Variants in APP observed in about 807,000 individuals in gnomAD.
APP encodes the protein amyloid beta precursor protein.
APP carries 31 observed loss-of-function variants against 101.4 expected under a neutral mutation model. The ratio of observed to expected loss-of-function variants is 0.31; its 90% CI spans 0.23 to 0.41. APP has a LOEUF of 0.41. Ranked by LOEUF, APP falls within the 10% of genes least tolerant of loss-of-function variation. The probability of loss-of-function intolerance (pLI) is 1.00; values close to 1 mark genes in which losing one functional copy is unlikely to be tolerated. For missense variants in APP, 839 were observed against 1,003.7 expected, an observed-to-expected ratio of 0.84 and a Z score of 2.22; for synonymous variants, 366 against 364.4, an observed-to-expected ratio of 1.00 and a Z score of -0.05.
At chr21:25,914,988 G>C (rs921773509) in intron 13 of APP, among the ~76,000 whole-genome samples, 2 of 152,166 alleles carry the variant, frequency 1.3e-5, no homozygotes, top group Non-Finnish European at 2.9e-5. Context: ...TTTTACGTTT[G>C]GTTCCTGAAA....
In APP at chr21:26,071,030, C is replaced by G. The variant is rs538442889; in HGVS notation, c.356-17682G>C. Among the ~76,000 whole-genome samples, 8 of 152,232 alleles carry G rather than the reference C, an allele frequency of 5.3e-5. No individual in the cohort carries two copies. The South Asian group carries it at 1.7e-3, about 32-fold the overall frequency. On this transcript the variant is annotated intron_variant, in intron 3 of 17. Coordinates refer to ENST00000346798, the MANE Select transcript of APP (RefSeq NM_000484.4). ...TTCCAGGCAGAGCACGAGTGTCATT[C>G]AAATTGTACACACCAGGCAAAGAGT...
chr21:26,132,355 T>C (rs962448618), intron 1 of APP, among the ~76,000 whole-genome samples: 1 of 152,234 alleles, frequency 6.6e-6, no homozygotes, highest in South Asian at 2.1e-4. Flanking sequence ...CTCAACCTTA[T>C]AATTAAATCT....
chr21:26,148,644 C>A (rs1250266776), intron 1 of APP, among the ~76,000 whole-genome samples: 2 of 152,204 alleles, frequency 1.3e-5, no homozygotes, highest in Non-Finnish European at 2.9e-5. Context: ...GGGCCTCTCC[C>A]CTGGCCCATC....
At chr21:26,021,575 T>G (rs1393898948) in intron 6 of APP, among the ~76,000 whole-genome samples, 1 of 152,070 alleles carries the variant, frequency 6.6e-6, no homozygotes, top group Non-Finnish European at 1.5e-5. Flanking sequence ...GACTACCTGG[T>G]TGGGCGGAGT....
intron 1 of APP, among the ~76,000 whole-genome samples, chr21:26,115,869 T>C (rs2062423818): frequency 6.6e-6 from 1 of 152,212 alleles, no homozygotes; most frequent in South Asian, 2.1e-4. Context: ...ATAAATACCT[T>C]AGTAGATGGG....
intron 15 of APP, among the ~76,000 whole-genome samples, chr21:25,899,656 C>G (rs1005530508): frequency 6.6e-6 from 1 of 152,208 alleles, no homozygotes; most frequent in African/African-American, 2.4e-5. Context: ...TTAGCTCAGG[C>G]AGTGTCTTAA....
chr21:25,885,232 A>G (rs2037246285), intron 17 of APP, among the ~76,000 whole-genome samples: 1 of 152,218 alleles, frequency 6.6e-6, no homozygotes, highest in African/African-American at 2.4e-5. Flanking sequence ...CTATGGATAA[A>G]GGAGGAGCAC....
Position 26,053,245 on chromosome 21 carries a change from G to A in APP, c.459C>T (p.Val153=), listed in dbSNP as rs766601977. 24 of 1,611,778 alleles carry A rather than the reference G, an allele frequency of 1.5e-5. No individual in the cohort carries two copies. Among genetic ancestry groups the A allele is most frequent in the African/African-American group, 8.0e-5 (6 of 74,828 alleles). ...VCETHLHWHT[V]AKETCSEKST... is the part of the protein sequence containing the mutation. ...ATTTATGGGCTGGTACCTCTTTGGCGACGGTGTGCCAGTGAAGATGAGTTT... is the reference window on the plus strand; with the variant it reads ...ATTTATGGGCTGGTACCTCTTTGGCAACGGTGTGCCAGTGAAGATGAGTTT... Residue 153 remains valine (V), a synonymous_variant, in exon 4 of 18, where the codon GTC becomes GTT. Coordinates refer to ENST00000346798, the MANE Select transcript of APP (RefSeq NM_000484.4).
At chr21:25,904,547 C>T (rs2038683539) in intron 15 of APP, among the ~76,000 whole-genome samples, 1 of 152,182 alleles carries the variant, frequency 6.6e-6, no homozygotes, top group Non-Finnish European at 1.5e-5. Flanking sequence ...TTCAGGAAAT[C>T]ATGTCTACTT....
chr21:25,918,408 C>A (rs989633811), intron 13 of APP, among the ~76,000 whole-genome samples: 13 of 152,282 alleles, frequency 8.5e-5, no homozygotes, highest in African/African-American at 2.6e-4. Flanking sequence ...CAGCTCCGGT[C>A]TACAGCTCCC....
chr21:26,110,852 T>C, intron 2 of APP, among the ~76,000 whole-genome samples: 1 of 152,034 alleles, frequency 6.6e-6, no homozygotes, highest in South Asian at 2.1e-4. Context: ...GTGTCGAGAA[T>C]TCTGCTTTGC....
chr21:26,137,577 T>C (rs2062948585), intron 1 of APP, among the ~76,000 whole-genome samples: 2 of 152,128 alleles, frequency 1.3e-5, no homozygotes, highest in South Asian at 4.1e-4. Context: ...AGAGAGCTCT[T>C]TCCTCACTGG....
intron 13 of APP, among the ~76,000 whole-genome samples, chr21:25,948,363 A>G (rs971451845): frequency 1.3e-5 from 2 of 152,188 alleles, no homozygotes; most frequent in Non-Finnish European, 2.9e-5. Flanking sequence ...CTTTGAAATA[A>G]CCATGCTGCA....
At position 25,982,548 on chromosome 21, in the gene APP, A is replaced by G. The variant is rs2042475445; in HGVS notation, c.1091-71T>C. 3 of 1,454,522 alleles carry G rather than the reference A, an allele frequency of 2.1e-6. No individual in the cohort carries two copies. The South Asian group carries it at 3.5e-5, about 17-fold the overall frequency. 90.1% of individuals were successfully genotyped at this position (1,454,522 alleles called of 1,614,324 possible). Reference sequence around the variant, plus strand: ...CAACAGAATAATCCACTCGTTTAATAGAAAGCCGTATTTTCAGTTATTTCT... The same window carrying G: ...CAACAGAATAATCCACTCGTTTAATGGAAAGCCGTATTTTCAGTTATTTCT... On this transcript the variant is annotated intron_variant, in intron 8 of 17. Transcript: ENST00000346798.
At chr21:25,989,423 A>T (rs1167363582) in intron 8 of APP, among the ~76,000 whole-genome samples, 1 of 152,236 alleles carries the variant, frequency 6.6e-6, no homozygotes, top group African/African-American at 2.4e-5. Context: ...TCATTTTGAT[A>T]TGCATTTGTT....
intron 13 of APP, among the ~76,000 whole-genome samples, chr21:25,944,563 CA>C (rs1569088477): frequency 6.6e-6 from 1 of 152,186 alleles, no homozygotes; most frequent in Non-Finnish European, 1.5e-5. Flanking sequence ...AACTCCGTCT[CA>C]CATGAAACAA....
intron 6 of APP, among the ~76,000 whole-genome samples, chr21:26,017,409 CAAAAAAAAAA>C (rs373376674): frequency 3.6e-5 from 4 of 111,112 alleles, no homozygotes; most frequent in Non-Finnish European, 7.2e-5. Context: ...AATCCCGTGT[CAAAAAAAAAA>C]AAAAAAAAAT....
chr21:25,918,856 G>C (rs1157004193), intron 13 of APP, among the ~76,000 whole-genome samples: 2 of 149,136 alleles, frequency 1.3e-5, no homozygotes, highest in Non-Finnish European at 3.0e-5. Flanking sequence ...CAGCCGGGAA[G>C]CTCGAACTGG....
intron 1 of APP, among the ~76,000 whole-genome samples, chr21:26,150,061 C>CAAATTTT (rs1216221481): frequency 4.6e-5 from 7 of 152,108 alleles, no homozygotes; most frequent in Non-Finnish European, 1.0e-4. Context: ...GGAAAAAACA[C>CAAATTTT]AAATTTTATT....
Sources: allele counts gnomAD v4.1 joint callset (sites outside exome capture counted in the v4.1 genomes callset), GRCh38; gene constraint gnomAD v4.1.1; transcripts MANE v1.5; gene names NCBI Gene and HGNC (gene_info 2026-07-23, HGNC 2026-07-21).